EVX1: variants seen among roughly 807,000 people sequenced by gnomAD.
The protein encoded by EVX1 is homeobox even-skipped homolog protein 1.
Under a neutral mutation model 28.6 loss-of-function variants are expected in EVX1, and 19 were observed. The ratio of observed to expected loss-of-function variants is 0.67; its 90% confidence interval spans 0.46 to 0.98. The LOEUF (loss-of-function observed/expected upper bound fraction) is 0.98. Among genes scored for constraint, EVX1 ranks in the 50% least tolerant of loss-of-function variants. The pLI is 0.00. For synonymous variants in EVX1, 324 were observed against 278.2 expected, an observed-to-expected ratio of 1.16 and a Z score of -1.64; for missense variants, 660 against 583.0, an observed-to-expected ratio of 1.13 and a Z score of -1.36.
Position 27,246,625 on chromosome 7 carries a change from G to T in EVX1, c.*200G>T. The T allele has an allele frequency of 1.6e-6, 1 of 606,826 alleles. No individual in the cohort carries two copies. The highest frequency in any genetic ancestry group is 2.8e-6 in the Non-Finnish European group (1 of 361,030). 37.6% of individuals were successfully genotyped at this position (606,826 alleles called of 1,614,324 possible). ...AGTGGCGGTGGCTGGCGCGTTTGGG[G>T]AGCAGGAGTGGGGATAGGGAAGCAG... On this transcript the variant is annotated 3_prime_UTR_variant, in exon 3 of 3. Coordinates refer to ENST00000496902, the MANE Select transcript of EVX1 (RefSeq NM_001989.5).
In EVX1 at chr7:27,246,090, G is replaced by GC. The variant is rs1437135835; in HGVS notation, c.891dup (p.Ser298LeufsTer110). ...CGCCGCATCCGCCGCCTCCGCCGCC[G>GC]CCTCGCCCTTCAGCGGCTCGCTGCG... is the stretch of plus-strand genomic sequence containing the variant. On this transcript the variant is annotated frameshift_variant, in exon 3 of 3. Transcript: ENST00000496902. LOFTEE classifies it high-confidence loss of function. The GC allele has an allele frequency of 1.3e-6, 2 of 1,565,604 alleles. No individual in the cohort carries two copies. The highest frequency in any genetic ancestry group is 1.7e-6 in the Non-Finnish European group (2 of 1,164,076).
At chr7:27,244,428 G>A in intron 1 of EVX1, 1 of 952,758 alleles carries the variant, frequency 1.0e-6, no homozygotes, top group Non-Finnish European at 1.3e-6. Flanking sequence ...TTGAATACCT[G>A]CACCTACCCC....
In EVX1 at chr7:27,246,105, G is replaced by C. The variant is rs758466262; in HGVS notation, c.904G>C (p.Gly302Arg). ...CTCCGCCGCCGCCTCGCCCTTCAGC[G>C]GCTCGCTGCGCCCGCTCGACACGTT... Reference protein sequence around the residue: ...AASAAASPFSGSLRPLDTFRV... With the variant: ...AASAAASPFSRSLRPLDTFRV... Residue 302 changes from glycine to arginine, a missense_variant, in exon 3 of 3, where the codon GGC becomes CGC. Physicochemically the swap from Gly to Arg is moderately radical, Grantham distance 125. Transcript: ENST00000496902. 25 of 1,551,028 alleles carry C rather than the reference G, an allele frequency of 1.6e-5. No individual in the cohort carries two copies. The highest frequency in any genetic ancestry group is 2.1e-5 in the Non-Finnish European group (24 of 1,157,834).
At chr7:27,245,404 T>C in intron 2 of EVX1, 100 bp downstream of exon 2, 1 of 1,520,016 alleles carries the variant, frequency 6.6e-7, no homozygotes, top group Non-Finnish European at 8.9e-7. Context: ...AATCTGGGCC[T>C]GGGGTCTCCC....
Position 27,245,149 on chromosome 7 carries a change from T to C in EVX1, c.529T>C (p.Cys177Arg), listed in dbSNP as rs1583465441. Residue 177 changes from cysteine to arginine, a missense_variant, in exon 2 of 3, where the codon TGC becomes CGC. Cys to Arg is a radical substitution (Grantham distance 180). Transcript: ENST00000496902. ...GGGCGGCTCGCAAGGCACCCTGGCG[T>C]GCAGCGCCAGTGACCAGATGCGTCG... Reference protein sequence around the residue: ...GGGGSQGTLACSASDQMRRYR... With the variant: ...GGGGSQGTLARSASDQMRRYR... 4.3e-6 allele frequency: 7 copies of C among 1,613,002 alleles called. No homozygotes were observed. The highest frequency in any genetic ancestry group is 1.3e-5 in the African/African-American group (1 of 74,888).
At chr7:27,243,494 C>T (rs1388545165) in intron 1 of EVX1, 37 bp downstream of exon 1, 41 of 1,538,890 alleles carry the variant, frequency 2.7e-5, no homozygotes, top group Non-Finnish European at 3.3e-5. Flanking sequence ...GGGCCTCCCA[C>T]TGCGCCCACC....
At position 27,246,123 on chromosome 7, in the gene EVX1, G is replaced by C. The variant is rs1363007840; in HGVS notation, c.922G>C (p.Asp308His). 6.5e-7 allele frequency: 1 copy of C among 1,537,846 alleles called. No homozygotes were observed. Among genetic ancestry groups the C allele is most frequent in the Non-Finnish European group, 8.7e-7 (1 of 1,151,890 alleles). ...SPFSGSLRPLDTFRVLSQPYP... is the reference protein window; with the variant it reads ...SPFSGSLRPLHTFRVLSQPYP... Reference sequence around the variant, plus strand: ...CTTCAGCGGCTCGCTGCGCCCGCTCGACACGTTCCGCGTGCTGTCGCAGCC... The same window carrying C: ...CTTCAGCGGCTCGCTGCGCCCGCTCCACACGTTCCGCGTGCTGTCGCAGCC... Residue 308 changes from aspartate (D) to histidine (H), a missense_variant, in exon 3 of 3, where the codon GAC becomes CAC. Physicochemically the swap from Asp to His is moderately conservative, Grantham distance 81. Transcript: ENST00000496902.
In EVX1 at chr7:27,245,192, C is replaced by G. The variant is rs1441432435; in HGVS notation, c.572C>G (p.Thr191Ser). The part of the protein sequence containing the change: ...DQMRRYRTAF[T>S]REQIARLEKE... ...ATGCGTCGTTACCGCACCGCCTTCA[C>G]CCGAGAGCAGATTGCGCGGCTGGAG... The change falls in exon 2 of 3, where the codon ACC becomes AGC. Residue 191 changes from threonine to serine, a missense_variant. By Grantham distance (58) the Thr-to-Ser change is moderately conservative (BLOSUM62 1). Transcript: ENST00000496902. 9.9e-6 allele frequency: 16 copies of G among 1,613,636 alleles called. No homozygotes were observed. The highest frequency in any genetic ancestry group is 1.4e-5 in the Non-Finnish European group (16 of 1,180,052).
At chr7:27,243,541 T>G in intron 1 of EVX1, 84 bp downstream of exon 1, 1 of 1,425,958 alleles carries the variant, frequency 7.0e-7, no homozygotes, top group Non-Finnish European at 9.3e-7. Context: ...AGACACTCCC[T>G]TCCCCTAGGG....
At chr7:27,245,557 A>C (rs1230683732) in intron 2 of EVX1, among the ~76,000 whole-genome samples, 1 of 152,120 alleles carries the variant, frequency 6.6e-6, no homozygotes, top group African/African-American at 2.4e-5. Context: ...GGTGACAAGG[A>C]AGTTTCTGGG....
chr7:27,246,213 G>A lies in EVX1; in HGVS notation c.1012G>A (p.Gly338Arg). The A allele has an allele frequency of 1.3e-6, 2 of 1,500,384 alleles. No homozygotes were observed. The highest frequency in any genetic ancestry group is 1.8e-6 in the Non-Finnish European group (2 of 1,135,242). 92.9% of individuals were successfully genotyped at this position (1,500,384 alleles called of 1,614,324 possible). A position where few individuals can be genotyped will look rare whatever the true frequency, so the allele number is the denominator to read the frequency against. ...GCCGCTCTACCCCGGGCCCGCGCAC[G>A]GACTGGGCGCCTCTGCCGGCGGCCC... ...HPPLYPGPAH[G>R]LGASAGGPCS... is the part of the protein sequence containing the mutation. Residue 338 changes from glycine (G) to arginine (R), a missense_variant, in exon 3 of 3, where the codon GGA becomes AGA. Around this residue, in one of 3 missense-constraint regions of EVX1, gnomAD observed 299 missense variants for 241.3 expected, o/e 1.24. Transcript: ENST00000496902.
chr7:27,244,818 A>T (rs1461931439), intron 1 of EVX1, among the ~76,000 whole-genome samples: 1 of 152,196 alleles, frequency 6.6e-6, no homozygotes, highest in East Asian at 1.9e-4. Context: ...GATGCCTTAG[A>T]GGAAGGGAAG....
Position 27,247,456 on chromosome 7 carries a change from C to A in EVX1, c.*1031C>A, listed in dbSNP as rs1783224839. The stretch of plus-strand genomic sequence containing the variant: ...TTGTTCACCTTCACTTCACCAGGAA[C>A]TTTCTGGCCCTACCCTTTGCATTGG... On this transcript the variant is annotated 3_prime_UTR_variant, in exon 3 of 3. Coordinates refer to ENST00000496902, the MANE Select transcript of EVX1 (RefSeq NM_001989.5). 6.6e-6 allele frequency: 1 copy of A among 152,190 alleles called. No individual in the cohort carries two copies. The highest frequency in any genetic ancestry group is 1.9e-4 in the East Asian group (1 of 5,192). 9.4% of individuals were successfully genotyped at this position (152,190 alleles called of 1,614,324 possible). A position where few individuals can be genotyped will look rare whatever the true frequency, so the allele number is the denominator to read the frequency against.
Position 27,243,147 on chromosome 7 carries a change from C to A in EVX1, c.117C>A (p.Pro39=), listed in dbSNP as rs774628161. The A allele has an allele frequency of 2.5e-6, 4 of 1,600,646 alleles. No individual in the cohort carries two copies. The highest frequency in any genetic ancestry group is 1.3e-5 in the African/African-American group (1 of 74,886). ...EAVGSPLPEP[P]EKMVPRGCLS... is the part of the protein sequence containing the mutation. ...TGGGCAGCCCGCTGCCGGAGCCGCCCGAGAAAATGGTGCCCCGTGGTTGCC... is the reference window on the plus strand; with the variant it reads ...TGGGCAGCCCGCTGCCGGAGCCGCCAGAGAAAATGGTGCCCCGTGGTTGCC... Residue 39 remains proline, a synonymous_variant, in exon 1 of 3, where the codon CCC becomes CCA. Transcript: ENST00000496902.
At chr7:27,244,226 G>A (rs1447989073) in intron 1 of EVX1, among the ~76,000 whole-genome samples, 2 of 152,236 alleles carry the variant, frequency 1.3e-5, no homozygotes, top group African/African-American at 4.8e-5. Flanking sequence ...TGGATAGCCC[G>A]GAAGGGAGTT....
chr7:27,243,375 C>T lies in EVX1; in HGVS notation c.345C>T (p.Thr115=), dbSNP rs1484854323. 1.2e-6 allele frequency: 2 copies of T among 1,611,872 alleles called. No individual in the cohort carries two copies. The highest frequency in any genetic ancestry group is 1.7e-4 in the Middle Eastern group (1 of 6,056). Residue 115 remains threonine, a synonymous_variant, in exon 1 of 3, where the codon ACC becomes ACT. Transcript: ENST00000496902. ...AGGGGCAACCCAGTAGCTCGGACAC[C>T]GAGTCGGATTTCTATGAAGAAATCG... The part of the protein sequence containing the change: ...SGQGQPSSSD[T]ESDFYEEIEV...
rs1315689015 is a variant in EVX1, at chr7:27,243,707, G to A, written c.427+250G>A. ...GGCGGATGCAAGTCCTGGACTTGGG[G>A]GATTCGAAGCTCACCCCAAGCACCC... On this transcript the variant is annotated intron_variant, in intron 1 of 2. Coordinates refer to ENST00000496902, the MANE Select transcript of EVX1 (RefSeq NM_001989.5). The A allele has an allele frequency of 1.3e-5, 6 of 444,592 alleles. 1 individual carries two copies. The Admixed American group carries it at 2.5e-4, about 18-fold the overall frequency. The allele number at this position is 444,592 out of a possible 1,614,324, so 27.5% of individuals were successfully genotyped here.
At position 27,243,129 on chromosome 7, in the gene EVX1, C is replaced by A; in HGVS notation, c.99C>A (p.Ser33Arg). The A allele has an allele frequency of 1.2e-6, 2 of 1,609,344 alleles. No homozygotes were observed. Among genetic ancestry groups the A allele is most frequent in the Non-Finnish European group, 1.7e-6 (2 of 1,177,946 alleles). ...RVSNLSEAVG[S>R]PLPEPPEKMV... ...CAAATTTGTCCGAAGCCGTGGGCAG[C>A]CCGCTGCCGGAGCCGCCCGAGAAAA... Residue 33 changes from serine (S) to arginine (R), a missense_variant, in exon 1 of 3, where the codon AGC becomes AGA. Ser to Arg is a moderately radical substitution (Grantham distance 110). Transcript: ENST00000496902.
At chr7:27,243,542 T>C in intron 1 of EVX1, 85 bp downstream of exon 1, 1 of 1,417,168 alleles carries the variant, frequency 7.1e-7, no homozygotes. Context: ...GACACTCCCT[T>C]CCCCTAGGGC....
Sources: allele counts gnomAD v4.1 joint callset (sites outside exome capture counted in the v4.1 genomes callset), GRCh38; gene constraint gnomAD v4.1.1; regional missense constraint gnomAD v4.1.1; transcripts MANE v1.5; gene names NCBI Gene and HGNC (gene_info 2026-07-23, HGNC 2026-07-21).